Variants in RAI1 observed in about 807,000 individuals in gnomAD.
RAI1 encodes the protein retinoic acid induced 1, also known as retinoic acid-induced protein 1.
A neutral mutation model predicts 123.8 loss-of-function variants in RAI1; 9 were observed. The observed-to-expected ratio is 0.07, with a 90% confidence interval of 0.04 to 0.13. The LOEUF (loss-of-function observed/expected upper bound fraction) is 0.13, where lower values mean the gene tolerates loss of function less well. RAI1 is among the 10% of genes least tolerant of loss of function. RAI1 has a pLI of 1.00. For synonymous variants in RAI1, 1,231 were observed against 1,127.3 expected, an observed-to-expected ratio of 1.09 and a Z score of -1.84; for missense variants, 2,256 against 2,545.8, an observed-to-expected ratio of 0.89 and a Z score of 2.45.
intron 1 of RAI1, among the ~76,000 whole-genome samples, chr17:17,706,626 T>G (rs1915403924): frequency 6.6e-6 from 1 of 151,244 alleles, no homozygotes; most frequent in Admixed American, 6.6e-5. Flanking sequence ...GGGATCAGAG[T>G]AGAGTTGGGG....
chr17:17,740,510 G>A (rs1038066329), intron 2 of RAI1, among the ~76,000 whole-genome samples: 11 of 152,222 alleles, frequency 7.2e-5, no homozygotes, highest in Non-Finnish European at 1.3e-4. Context: ...GCCTGATGCC[G>A]TGCTGGGGGC....
At chr17:17,753,905 C>A (rs1266509578) in intron 2 of RAI1, among the ~76,000 whole-genome samples, 1 of 152,162 alleles carries the variant, frequency 6.6e-6, no homozygotes, top group Non-Finnish European at 1.5e-5. Flanking sequence ...AAGTTCTAGA[C>A]CCTCTTCAGA....
intron 2 of RAI1, among the ~76,000 whole-genome samples, chr17:17,786,551 G>A (rs376581713): frequency 6.6e-6 from 1 of 152,214 alleles, no homozygotes; most frequent in East Asian, 1.9e-4. Flanking sequence ...TGACAGAGGT[G>A]ACAGAGGAGC....
intron 2 of RAI1, among the ~76,000 whole-genome samples, chr17:17,791,145 C>A (rs1186496850): frequency 1.3e-5 from 2 of 152,198 alleles, no homozygotes; most frequent in African/African-American, 4.8e-5. Context: ...GGCCGGCCCC[C>A]ACACTGGGCT....
intron 2 of RAI1, among the ~76,000 whole-genome samples, chr17:17,741,144 C>T (rs1240383105): frequency 6.6e-6 from 1 of 151,686 alleles, no homozygotes; most frequent in Non-Finnish European, 1.5e-5. Context: ...CTCACACTCA[C>T]ACACTTAAGC....
At chr17:17,703,744 G>C (rs762050991) in intron 1 of RAI1, among the ~76,000 whole-genome samples, 1 of 152,152 alleles carries the variant, frequency 6.6e-6, no homozygotes, top group East Asian at 1.9e-4. Context: ...GAGCTCAAAC[G>C]ATCCTTCCGC....
At chr17:17,751,481 C>T (rs1035086464) in intron 2 of RAI1, among the ~76,000 whole-genome samples, 2 of 152,188 alleles carry the variant, frequency 1.3e-5, no homozygotes, top group Non-Finnish European at 2.9e-5. Context: ...TGGTGTTTTC[C>T]CCTTGTCCGT....
At chr17:17,713,695 T>C (rs541724940) in intron 1 of RAI1, among the ~76,000 whole-genome samples, 2 of 152,314 alleles carry the variant, frequency 1.3e-5, no homozygotes, top group Admixed American at 1.3e-4. Flanking sequence ...ATATTCACAG[T>C]AATTGTCATA....
intron 2 of RAI1, among the ~76,000 whole-genome samples, chr17:17,787,494 G>A (rs1335427798): frequency 6.6e-6 from 1 of 152,248 alleles, no homozygotes; most frequent in Non-Finnish European, 1.5e-5. Context: ...AGACTGATCA[G>A]TACAGAACTG....
rs1034542495 is a variant in RAI1 at position 17,792,300 on chromosome 17, G to GGTGTGTGTGTGCATGCGTGT, written c.-16-620_-16-601dup. Among the ~76,000 whole-genome samples the GGTGTGTGTGTGCATGCGTGT allele has an allele frequency of 4.0e-3, 603 of 152,138 alleles. 8 individuals carry two copies. The highest frequency in any genetic ancestry group is 0.014 in the African/African-American group (561 of 41,482). On this transcript the variant is annotated intron_variant, in intron 2 of 5. Coordinates refer to ENST00000353383, the MANE Select transcript of RAI1 (RefSeq NM_030665.4). ...CAGATGGCGTGGCAGTGATAGAGGA[G>GGTGTGTGTGTGCATGCGTGT]GTGTGTGTGTGCATGCGTGTGTGTG...
Position 17,797,067 on chromosome 17 carries a change from C to A in RAI1, c.4119C>A (p.Gly1373=), listed in dbSNP as rs202177323. 1.4e-5 allele frequency: 22 copies of A among 1,613,948 alleles called. No homozygotes were observed. The East Asian group carries it at 4.9e-4, about 36-fold the overall frequency. The change falls in exon 3 of 6, where the codon GGC becomes GGA. Residue 1373 remains glycine (G), a synonymous_variant. Coordinates refer to ENST00000353383, the MANE Select transcript of RAI1 (RefSeq NM_030665.4). ...DKDRGLKGAG[G]SPVGVEEGLV... is the part of the protein sequence containing the mutation. ...ACCGTGGGCTCAAGGGTGCTGGGGG[C>A]AGCCCAGTGGGGGTGGAAGAAGGCC...
intron 1 of RAI1, among the ~76,000 whole-genome samples, chr17:17,716,675 C>A (rs1451753694): frequency 6.6e-6 from 1 of 152,124 alleles, no homozygotes; most frequent in Non-Finnish European, 1.5e-5. Context: ...CTGTCTGACT[C>A]TGGGTGTGTT....
chr17:17,793,200 C>T lies in RAI1; in HGVS notation c.252C>T (p.Ala84=), dbSNP rs570413549. 14 of 1,612,736 alleles carry T rather than the reference C, an allele frequency of 8.7e-6. No individual in the cohort carries two copies. In the East Asian group the frequency reaches 2.2e-4, roughly 26 times the overall value. ...AADKYHRGSK[A]LPTQQGLQGR... ...ACAAGTACCACCGAGGCAGCAAGGC[C>T]CTGCCCACACAGCAAGGCCTGCAGG... Residue 84 remains alanine (A), a synonymous_variant, in exon 3 of 6, where the codon GCC becomes GCT. Transcript: ENST00000353383.
At position 17,796,421 on chromosome 17, in the gene RAI1, C is replaced by T; in HGVS notation, c.3473C>T (p.Ser1158Phe). The T allele has an allele frequency of 6.2e-7, 1 of 1,613,532 alleles. No individual in the cohort carries two copies. ...ACCAAAACCCAGGAGATCTTCCACT[C>T]CAAGCGGCGGAGGCCCTCTGAGGGC... ...SRTKTQEIFH[S>F]KRRRPSEGRL... The change falls in exon 3 of 6, where the codon TCC (serine) becomes TTC (phenylalanine). Residue 1158 changes from serine (S) to phenylalanine (F), a missense_variant. Transcript: ENST00000353383. The surrounding 1 kb of genome is among the most constrained non-coding windows in gnomAD (Gnocchi z 5.8).
intron 2 of RAI1, among the ~76,000 whole-genome samples, chr17:17,767,218 C>T (rs2030972935): frequency 6.6e-6 from 1 of 152,138 alleles, no homozygotes; most frequent in Non-Finnish European, 1.5e-5. Flanking sequence ...GAATCCTCAA[C>T]AAAGAAGGGA....
chr17:17,738,402 T>C lies in RAI1; in HGVS notation c.-17+14243T>C, dbSNP rs868770024. Among the ~76,000 whole-genome samples, 4 of 9,688 alleles carry C rather than the reference T, an allele frequency of 4.1e-4. No homozygotes were observed. The East Asian group carries it at 0.013, about 30-fold the overall frequency. The allele number at this position is 9,688 out of a possible 152,430, so 6.4% of individuals were successfully genotyped here. On this transcript the variant is annotated intron_variant, in intron 2 of 5. Coordinates refer to ENST00000353383, the MANE Select transcript of RAI1 (RefSeq NM_030665.4). ...AGGCGGCTGGCCTGGCGGGGCGGGG[T>C]GGGGTGGGCAGGAGGGTGCAGCTGA...
chr17:17,713,622 C>A lies in RAI1; in HGVS notation c.-148-10406C>A, dbSNP rs936180180. 5.9e-5 allele frequency among the ~76,000 whole-genome samples: 9 copies of A among 151,572 alleles called. No individual in the cohort carries two copies. The East Asian group carries it at 1.7e-3, about 29-fold the overall frequency. On this transcript the variant is annotated intron_variant, in intron 1 of 5. Coordinates refer to ENST00000353383, the MANE Select transcript of RAI1 (RefSeq NM_030665.4). ...TGCTACTGTACTGCAGCCTGGGCAA[C>A]GAGAGCAAAACTCCATCTCAAAAAA...
rs147927416 is a variant in RAI1 at position 17,705,450 on chromosome 17, A to G, written c.-148-18578A>G. ...TTTGAGACCAGCCTGGCCATCATAT[A>G]GTGAAACCCCATCTCTACTAAAAAA... On this transcript the variant is annotated intron_variant, in intron 1 of 5. Transcript: ENST00000353383. Among the ~76,000 whole-genome samples the G allele has an allele frequency of 2.8e-4, 42 of 152,168 alleles. 1 individual carries two copies. In the East Asian group the frequency reaches 6.8e-3, roughly 25 times the overall value.
Position 17,794,528 on chromosome 17 carries a change from G to A in RAI1, c.1580G>A (p.Arg527His), listed in dbSNP as rs377314203. 3.2e-5 allele frequency: 51 copies of A among 1,612,774 alleles called. No homozygotes were observed. The African/African-American group carries it at 3.6e-4, about 11-fold the overall frequency. The change falls in exon 3 of 6, where the codon CGC becomes CAC. Residue 527 changes from arginine to histidine, a missense_variant. Around this residue, in one of 7 missense-constraint regions of RAI1, gnomAD observed 357 missense variants for 480.2 expected, o/e 0.74. Transcript: ENST00000353383. ...YLSGSEDPLE[R>H]SFLYCNQARG... ...AGCGGCTCCGAGGACCCACTGGAGC[G>A]CAGCTTCCTCTACTGCAACCAGGCC...
Sources: allele counts gnomAD v4.1 joint callset (sites outside exome capture counted in the v4.1 genomes callset), GRCh38; gene constraint gnomAD v4.1.1; regional missense constraint gnomAD v4.1.1; non-coding constraint Gnocchi (gnomAD v3.1); transcripts MANE v1.5; gene names NCBI Gene and HGNC (gene_info 2026-07-23, HGNC 2026-07-21).